Variants in HCFC1 observed in about 807,000 individuals in gnomAD.
The protein encoded by HCFC1 is host cell factor 1.
In HCFC1, 7 loss-of-function variants were observed where a neutral mutation model predicts 105.5. That is an observed-to-expected ratio of 0.07 (90% CI 0.04 to 0.12). The LOEUF (loss-of-function observed/expected upper bound fraction) is 0.12. Among genes scored for constraint, HCFC1 ranks in the 10% least tolerant of loss-of-function variants. The pLI is 1.00. For missense variants in HCFC1, 1,065 were observed against 1,823.6 expected (o/e 0.58, Z 7.58); for synonymous variants, 918 against 828.1 (o/e 1.11, Z -1.86).
chrX:153,954,102 C>G lies in HCFC1; in HGVS notation c.4297G>C (p.Ala1433Pro), dbSNP rs2065343555. Residue 1433 changes from alanine to proline, a missense_variant, in exon 17 of 26, where the codon GCC (alanine) becomes CCC (proline). By Grantham distance (27) the Ala-to-Pro change is conservative. Around this residue, in one of 17 missense-constraint regions of HCFC1, gnomAD observed 546 missense variants for 599.9 expected, o/e 0.91. Transcript: ENST00000310441. ...ETHETGTTHTATTVTSNMSSN... is the reference protein window; with the variant it reads ...ETHETGTTHTPTTVTSNMSSN... ...CTCATGTTGGAAGTGACAGTGGTGG[C>G]CGTGTGAGTGGTGCCCGTCTCGTGG... 1 of 1,206,326 alleles carries G rather than the reference C, an allele frequency of 8.3e-7. No individual in the cohort carries two copies. Among genetic ancestry groups the G allele is most frequent in the African/African-American group, 1.7e-5 (1 of 57,364 alleles).
At position 153,953,622 on chromosome X, in the gene HCFC1, C is replaced by G. The variant is rs1194317985; in HGVS notation, c.4482G>C (p.Pro1494=). The change falls in exon 18 of 26, where the codon CCG becomes CCC. Residue 1494 remains proline, a synonymous_variant. Transcript: ENST00000310441. ...GGGCTCTTACCGGCACAGAGGGGCC[C>G]GGGACCGGTGTGGACTGCGTCACGG... ...VTTVTQSTPV[P]GPSVPPPEEL... 1 of 1,208,641 alleles carries G rather than the reference C, an allele frequency of 8.3e-7. No homozygotes were observed. The highest frequency in any genetic ancestry group is 2.2e-5 in the Admixed American group (1 of 45,944).
chrX:153,961,772 C>A, intron 5 of HCFC1, 124 bp from the exon 6 acceptor site: 1 of 517,043 alleles, frequency 1.9e-6, no homozygotes, highest in Non-Finnish European at 3.4e-6. Flanking sequence ...CCCAAGGATG[C>A]GTGAAGCCTC....
chrX:153,955,128 CGGTGTTGGTGGT>C lies in HCFC1; in HGVS notation c.3259_3270del (p.Thr1087_Thr1090del), dbSNP rs782033572. ...GCCATGTTGGAGGTGGCGGTGGTGG[CGGTGTTGGTGGT>C]GCCCGTCTCGTGGGTCTCGCAGGGC... On this transcript the variant is annotated inframe_deletion, in exon 17 of 26. Transcript: ENST00000310441. 10 of 1,210,311 alleles carry C rather than the reference CGGTGTTGGTGGT, an allele frequency of 8.3e-6. No homozygotes were observed. Among genetic ancestry groups the C allele is most frequent in the Non-Finnish European group, 1.1e-5 (10 of 894,943 alleles).
Position 153,963,983 on chromosome X carries a change from G to A in HCFC1, c.503+141C>T, listed in dbSNP as rs1007397326. On this transcript the variant is annotated intron_variant, in intron 3 of 25. Transcript: ENST00000310441. ...AGCTCCTGAGAGGGCATCCGGTGCCGCTCTCTCATTTACAACCCAGCACGA... is the reference window on the plus strand; with the variant it reads ...AGCTCCTGAGAGGGCATCCGGTGCCACTCTCTCATTTACAACCCAGCACGA... 32 of 465,183 alleles carry A rather than the reference G, an allele frequency of 6.9e-5. 1 individual carries two copies. Among genetic ancestry groups the A allele is most frequent in the African/African-American group, 6.7e-4 (27 of 40,043 alleles). The allele number at this position is 465,183 out of a possible 1,213,427, so 38.3% of individuals were successfully genotyped here. A position where few individuals can be genotyped will look rare whatever the true frequency, so the allele number is the denominator to read the frequency against.
chrX:153,959,235 C>T, intron 9 of HCFC1, 96 bp downstream of exon 9: 3 of 936,236 alleles, frequency 3.2e-6, no homozygotes, highest in Non-Finnish European at 4.4e-6. Flanking sequence ...GTGCGTGGTA[C>T]CAGAGCCCGA....
chrX:153,959,709 G>A, intron 8 of HCFC1, 93 bp downstream of exon 8: 2 of 1,088,845 alleles, frequency 1.8e-6, no homozygotes, highest in Middle Eastern at 3.7e-4. Flanking sequence ...CTGGCCTGCT[G>A]TCTAGGCTGC....
In HCFC1 at chrX:153,968,797, C is replaced by A. The variant is rs373401762; in HGVS notation, c.193+1851G>T. On this transcript the variant is annotated intron_variant, in intron 1 of 25. Coordinates refer to ENST00000310441, the MANE Select transcript of HCFC1 (RefSeq NM_005334.3). Reference sequence around the variant, plus strand: ...TCCCTGCCAGGGAGCCTGCTCCAGGCCTTATGAGAAGAAAGTCGGTCCACA... The same window carrying A: ...TCCCTGCCAGGGAGCCTGCTCCAGGACTTATGAGAAGAAAGTCGGTCCACA... Among the ~76,000 whole-genome samples, 14 of 112,846 alleles carry A rather than the reference C, an allele frequency of 1.2e-4. 2 individuals carry two copies. In the East Asian group the frequency reaches 2.8e-3, roughly 22 times the overall value.
At position 153,959,375 on chromosome X, in the gene HCFC1, C is replaced by T. The variant is rs782470816; in HGVS notation, c.1561G>A (p.Ala521Thr). 11 of 1,211,615 alleles carry T rather than the reference C, an allele frequency of 9.1e-6. 1 individual carries two copies. The South Asian group carries it at 1.2e-4, about 14-fold the overall frequency. ...GTTGGCACAACCATCCGCACTCCGGCGGGAAGGGAGGTCACGGTGACAGGG... is the reference window on the plus strand; with the variant it reads ...GTTGGCACAACCATCCGCACTCCGGTGGGAAGGGAGGTCACGGTGACAGGG... ...KAPVTVTSLPAGVRMVVPTQS... is the reference protein window; with the variant it reads ...KAPVTVTSLPTGVRMVVPTQS... Residue 521 changes from alanine (A) to threonine (T), a missense_variant, in exon 9 of 26, where the codon GCC becomes ACC. Transcript: ENST00000310441.
chrX:153,949,375 G>T lies in HCFC1; in HGVS notation c.6080C>A (p.Pro2027Gln). 1 of 1,207,078 alleles carries T rather than the reference G, an allele frequency of 8.3e-7. No homozygotes were observed. The change falls in exon 26 of 26, where the codon CCA (proline) becomes CAA (glutamine). Residue 2027 changes from proline to glutamine, a missense_variant. Around this residue, in one of 17 missense-constraint regions of HCFC1, gnomAD observed 18 missense variants for 28.8 expected, o/e 0.62. Transcript: ENST00000310441. ...PMSSPEMKSA[P>Q]KKSKADGQ is the part of the protein sequence containing the mutation. ...CTGACCATCGGCCTTAGATTTCTTT[G>T]GAGCAGATTTCCTTGGAAGGCAGAA...
At position 153,970,655 on chromosome X, in the gene HCFC1, G is replaced by A; in HGVS notation, c.186C>T (p.Tyr62=). Residue 62 remains tyrosine (Y), a synonymous_variant, in exon 1 of 26, where the codon TAC becomes TAT. Transcript: ENST00000310441. ...AGCGGGCTTTGCACTCACCCGTGTTGTACACGTGCAGTTCGTCCACTATTC... is the reference window on the plus strand; with the variant it reads ...AGCGGGCTTTGCACTCACCCGTGTTATACACGTGCAGTTCGTCCACTATTC... ...NEGIVDELHV[Y]NTATNQWFIP... The A allele has an allele frequency of 1.7e-6, 2 of 1,205,749 alleles. No homozygotes were observed. Among genetic ancestry groups the A allele is most frequent in the Non-Finnish European group, 1.1e-6 (1 of 891,778 alleles).
intron 16 of HCFC1, among the ~76,000 whole-genome samples, chrX:153,955,836 C>T (rs1557114751): frequency 8.9e-6 from 1 of 112,849 alleles, no homozygotes; most frequent in Admixed American, 9.3e-5. Flanking sequence ...ATGGAAATCC[C>T]CCTCAATGCT....
At chrX:153,966,286 G>A (rs929453662) in intron 1 of HCFC1, among the ~76,000 whole-genome samples, 6 of 112,404 alleles carry the variant, frequency 5.3e-5, no homozygotes, top group African/African-American at 1.3e-4. Context: ...CCTGAGGCGA[G>A]AGCACCCCCA....
rs911857004 is a variant in HCFC1 at position 153,968,661 on chromosome X, T to C, written c.193+1987A>G. ...AATTCATGCCAAAGTGGTCAATTCA[T>C]TTTAATAAACTAATGAATATGCAGA... is the stretch of plus-strand genomic sequence containing the variant. On this transcript the variant is annotated intron_variant, in intron 1 of 25. Transcript: ENST00000310441. Among the ~76,000 whole-genome samples the C allele has an allele frequency of 2.7e-5, 3 of 112,733 alleles. No individual in the cohort carries two copies. In the Admixed American group the frequency reaches 2.8e-4, roughly 11 times the overall value.
chrX:153,960,815 C>T (rs1557116662), intron 6 of HCFC1, among the ~76,000 whole-genome samples: 1 of 112,499 alleles, frequency 8.9e-6, no homozygotes, highest in African/African-American at 3.2e-5. Flanking sequence ...TTTTCAGGCC[C>T]GCAGCAGCTG....
At position 153,958,992 on chromosome X, in the gene HCFC1, A is replaced by C. The variant is rs781793790; in HGVS notation, c.1606-226T>G. On this transcript the variant is annotated intron_variant, in intron 9 of 25. Transcript: ENST00000310441. ...ACCCCCGTGGCAAGAGGCAGCTGGGAGCTCTGGATCCTTTCTAAAGACCAG... is the reference window on the plus strand; with the variant it reads ...ACCCCCGTGGCAAGAGGCAGCTGGGCGCTCTGGATCCTTTCTAAAGACCAG... Among the ~76,000 whole-genome samples, 5 of 112,915 alleles carry C rather than the reference A, an allele frequency of 4.4e-5. No homozygotes were observed. The East Asian group carries it at 1.1e-3, about 25-fold the overall frequency.
In HCFC1 at chrX:153,951,614, G is replaced by A; in HGVS notation, c.5354C>T (p.Ala1785Val). Reference protein sequence around the residue: ...LQAAATLTEVANGIESLGVKP... With the variant: ...LQAAATLTEVVNGIESLGVKP... ...CACACCCAGGGACTCGATGCCATTG[G>A]CCACTTCGGTCAGGGTAGCTGCAGC... The change falls in exon 21 of 26, where the codon GCC becomes GTC. Residue 1785 changes from alanine (A) to valine (V), a missense_variant. Transcript: ENST00000310441. The A allele has an allele frequency of 1.7e-6, 2 of 1,210,944 alleles. No individual in the cohort carries two copies. Among genetic ancestry groups the A allele is most frequent in the Non-Finnish European group, 2.2e-6 (2 of 895,066 alleles).
Position 153,961,079 on chromosome X carries a change from C to T in HCFC1, c.904+463G>A, listed in dbSNP as rs1023812222. Among the ~76,000 whole-genome samples the T allele has an allele frequency of 1.1e-4, 12 of 112,970 alleles. 1 individual carries two copies. The highest frequency in any genetic ancestry group is 2.2e-4 in the African/African-American group (7 of 31,147). The stretch of plus-strand genomic sequence containing the variant: ...AAGTTACAGCAGCACAACCGCAACT[C>T]GAAGGAGGCTGCTGCGGGGCAGGGA... On this transcript the variant is annotated intron_variant, in intron 6 of 25. Coordinates refer to ENST00000310441, the MANE Select transcript of HCFC1 (RefSeq NM_005334.3).
In HCFC1 at chrX:153,959,351, T is replaced by A. The variant is rs782458591; in HGVS notation, c.1585A>T (p.Thr529Ser). 1 of 1,208,103 alleles carries A rather than the reference T, an allele frequency of 8.3e-7. No homozygotes were observed. Among genetic ancestry groups the A allele is most frequent in the Non-Finnish European group, 1.1e-6 (1 of 894,460 alleles). ...CTCACCGTTCCCTGGGCACTCTGTG[T>A]TGGCACAACCATCCGCACTCCGGCG... ...LPAGVRMVVP[T>S]QSAQGTVIGS... is the part of the protein sequence containing the mutation. Residue 529 changes from threonine (T) to serine (S), a missense_variant, in exon 9 of 26, where the codon ACA becomes TCA. Thr to Ser is a moderately conservative substitution (Grantham distance 58, BLOSUM62 1). Transcript: ENST00000310441.
Position 153,951,643 on chromosome X carries a change from C to T in HCFC1, c.5325G>A (p.Leu1775=). 1 of 1,211,235 alleles carries T rather than the reference C, an allele frequency of 8.3e-7. No homozygotes were observed. Among genetic ancestry groups the T allele is most frequent in the Non-Finnish European group, 1.1e-6 (1 of 895,413 alleles). The change falls in exon 21 of 26, where the codon CTG becomes CTA. Residue 1775 remains leucine (L), a synonymous_variant. Coordinates refer to ENST00000310441, the MANE Select transcript of HCFC1 (RefSeq NM_005334.3). ...QPVVVASPAK[L]QAAATLTEVA... Reference sequence around the variant, plus strand: ...CTTCGGTCAGGGTAGCTGCAGCCTGCAGCTTGGCTGGGCTGGCCACCACAA... The same window carrying T: ...CTTCGGTCAGGGTAGCTGCAGCCTGTAGCTTGGCTGGGCTGGCCACCACAA...
Sources: gnomAD v4.1 joint callset for allele counts (sites outside exome capture counted in the v4.1 genomes callset) on GRCh38, gnomAD v4.1.1 for gene constraint, gnomAD v4.1.1 regional missense constraint, MANE v1.5 for transcripts, NCBI Gene and HGNC (gene_info 2026-07-23, HGNC 2026-07-21) for gene names.